LOXL2: variants seen among roughly 807,000 people sequenced by gnomAD.
LOXL2 encodes lysyl oxidase like 2, also known as lysyl oxidase homolog 2.
A neutral mutation model predicts 93.0 loss-of-function variants in LOXL2; 70 were observed. The observed-to-expected ratio is 0.75, with a 90% CI of 0.62 to 0.92. LOXL2 has a LOEUF of 0.92. Ranked by LOEUF, LOXL2 falls within the 40% of genes least tolerant of loss-of-function variation. LOXL2 has a pLI of 0.00. For missense variants in LOXL2, 973 were observed against 1,054.9 expected (o/e 0.92, Z 1.08); for synonymous variants, 438 against 413.2 (o/e 1.06, Z -0.73).
chr8:23,367,976 T>A (rs373890810), intron 2 of LOXL2, 21 bp downstream of exon 2: 20 of 1,592,426 alleles, frequency 1.3e-5, no homozygotes, highest in Non-Finnish European at 1.7e-5. Flanking sequence ...AGCACTCAGA[T>A]CCAAAGCACA....
chr8:23,363,676 T>A (rs1446299534), intron 2 of LOXL2: 1 of 152,164 alleles, frequency 6.6e-6, no homozygotes, highest in Non-Finnish European at 1.5e-5. Context: ...TGAGAACAGC[T>A]GCAAACCAGA....
At chr8:23,343,624 T>A (rs1803922743) in intron 3 of LOXL2, among the ~76,000 whole-genome samples, 1 of 152,222 alleles carries the variant, frequency 6.6e-6, no homozygotes, top group Non-Finnish European at 1.5e-5. Context: ...CAGGCCCTAC[T>A]CTCAGGTCCT....
At chr8:23,310,812 A>G (rs913962135) in intron 9 of LOXL2, among the ~76,000 whole-genome samples, 3 of 152,216 alleles carry the variant, frequency 2.0e-5, no homozygotes, top group African/African-American at 7.2e-5. Context: ...GATTTACTCA[A>G]TTAGTGCACT....
At position 23,360,127 on chromosome 8, in the gene LOXL2, C is replaced by T; in HGVS notation, c.494G>A (p.Gly165Glu). ...GVVCSDKRIPGFKFDNSLINQ... is the reference protein window; with the variant it reads ...GVVCSDKRIPEFKFDNSLINQ... ...GATCAACGAATTGTCAAATTTGAAC[C>T]CAGGAATCCTTTTGTCGCTGCACAC... The change falls in exon 3 of 14, where the codon GGG becomes GAG. Residue 165 changes from glycine to glutamate, a missense_variant. Transcript: ENST00000389131. 1 of 1,610,010 alleles carries T rather than the reference C, an allele frequency of 6.2e-7. No homozygotes were observed. Among genetic ancestry groups the T allele is most frequent in the Non-Finnish European group, 8.5e-7 (1 of 1,176,428 alleles).
intron 6 of LOXL2, among the ~76,000 whole-genome samples, chr8:23,325,043 A>T (rs1803554925): frequency 6.6e-6 from 1 of 152,216 alleles, no homozygotes; most frequent in East Asian, 1.9e-4. Context: ...CTTGAAATGT[A>T]GCCAGCCAGT....
intron 9 of LOXL2, among the ~76,000 whole-genome samples, chr8:23,312,974 AC>A (rs1413534998): frequency 1.4e-5 from 2 of 146,966 alleles, no homozygotes; most frequent in African/African-American, 5.2e-5. Context: ...AAATCAATGT[AC>A]AAAAATCACA....
Position 23,319,977 on chromosome 8 carries a change from A to C in LOXL2, c.1378T>G (p.Trp460Gly). 3.1e-6 allele frequency: 5 copies of C among 1,613,994 alleles called. No individual in the cohort carries two copies. Among genetic ancestry groups the C allele is most frequent in the Non-Finnish European group, 4.2e-6 (5 of 1,179,940 alleles). The change falls in exon 8 of 14, where the codon TGG becomes GGG. Residue 460 changes from tryptophan to glycine, a missense_variant. Physicochemically the swap from Trp to Gly is radical, Grantham distance 184. Transcript: ENST00000389131. ...VLVERNGSLV[W>G]GMVCGQNWGI... ...CAGTTTTGGCCACACACCATCCCCC[A>C]CACAAGGGACCCGTTTCTCTCCACC... is the stretch of plus-strand genomic sequence containing the variant.
At chr8:23,333,685 G>A in intron 4 of LOXL2, 62 bp from the exon 5 acceptor site, 5 of 1,342,542 alleles carry the variant, frequency 3.7e-6, no homozygotes, top group Non-Finnish European at 5.2e-6. Flanking sequence ...GATTCCTTCT[G>A]CAACGAGGCA....
chr8:23,380,177 G>A (rs367952419), intron 1 of LOXL2, among the ~76,000 whole-genome samples: 4 of 152,012 alleles, frequency 2.6e-5, no homozygotes, highest in African/African-American at 4.8e-5. Context: ...GGCGGATCAC[G>A]AGGTCAAGAG....
intron 1 of LOXL2, among the ~76,000 whole-genome samples, chr8:23,386,267 C>T (rs1018976890): frequency 2.0e-5 from 3 of 152,182 alleles, no homozygotes; most frequent in African/African-American, 4.8e-5. Flanking sequence ...GTAGCACACA[C>T]CTGTAATCCC....
chr8:23,395,317 C>CAAA (rs111889384), intron 1 of LOXL2, among the ~76,000 whole-genome samples: 2 of 82,050 alleles, frequency 2.4e-5, no homozygotes, highest in African/African-American at 4.4e-5. Flanking sequence ...AAAGCCAGAC[C>CAAA]AAAAAAAAAA....
chr8:23,321,947 G>T, intron 7 of LOXL2, 183 bp downstream of exon 7: 1 of 636,238 alleles, frequency 1.6e-6, no homozygotes. Context: ...GCTTGGGCCT[G>T]CTGCCGGGCC....
intron 5 of LOXL2, among the ~76,000 whole-genome samples, chr8:23,329,452 G>A (rs1279854997): frequency 1.3e-5 from 2 of 152,214 alleles, no homozygotes; most frequent in Non-Finnish European, 2.9e-5. Flanking sequence ...CTTGGCCACA[G>A]TGCATCATGT....
intron 12 of LOXL2, 32 bp downstream of exon 12, chr8:23,301,995 G>A (rs1803140344): frequency 1.2e-6 from 2 of 1,612,512 alleles, no homozygotes; most frequent in African/African-American, 1.3e-5. Flanking sequence ...TCCTCCCCCT[G>A]CAGGGCTGGA....
intron 1 of LOXL2, among the ~76,000 whole-genome samples, chr8:23,378,173 G>A (rs1448114443): frequency 6.6e-6 from 1 of 152,124 alleles, no homozygotes; most frequent in Non-Finnish European, 1.5e-5. Flanking sequence ...TGTCTGTAAA[G>A]GATTTTATTT....
intron 11 of LOXL2, among the ~76,000 whole-genome samples, 159 bp from the exon 12 acceptor site, chr8:23,302,322 C>G (rs568223381): frequency 4.6e-5 from 7 of 152,114 alleles, no homozygotes; most frequent in Admixed American, 3.3e-4. Flanking sequence ...TAGAACCCCC[C>G]ACTCAATTCC....
intron 9 of LOXL2, among the ~76,000 whole-genome samples, chr8:23,313,140 A>G (rs973505354): frequency 6.6e-6 from 1 of 152,122 alleles, no homozygotes; most frequent in African/African-American, 2.4e-5. Flanking sequence ...ACTGCTCAAC[A>G]AAATAAAAGA....
At chr8:23,395,457 T>C (rs1800078923) in intron 1 of LOXL2, among the ~76,000 whole-genome samples, 1 of 152,246 alleles carries the variant, frequency 6.6e-6, no homozygotes, top group African/African-American at 2.4e-5. Context: ...GATATGGACT[T>C]CTCTTTGTGT....
intron 1 of LOXL2, among the ~76,000 whole-genome samples, chr8:23,399,173 C>T (rs1415190250): frequency 1.3e-5 from 2 of 152,192 alleles, no homozygotes; most frequent in African/African-American, 2.4e-5. Flanking sequence ...CGGGCCACTT[C>T]ATCTGAGGCC....
Sources: gnomAD v4.1 joint callset for allele counts (sites outside exome capture counted in the v4.1 genomes callset) on GRCh38, gnomAD v4.1.1 for gene constraint, MANE v1.5 for transcripts, NCBI Gene and HGNC (gene_info 2026-07-23, HGNC 2026-07-21) for gene names.